Variants in CCDC171 observed in about 807,000 individuals in gnomAD.
The protein encoded by CCDC171 is coiled-coil domain containing 171.
CCDC171 carries 177 observed loss-of-function variants against 168.2 expected under a neutral mutation model. That is an observed-to-expected ratio of 1.05 (90% CI 0.93 to 1.19). The LOEUF (loss-of-function observed/expected upper bound fraction) is 1.19, where lower values mean the gene tolerates loss of function less well. Among genes scored for constraint, CCDC171 ranks in the 50% most tolerant of loss-of-function variants. The probability of loss-of-function intolerance (pLI) is 0.00; values close to 1 mark genes in which losing one functional copy is unlikely to be tolerated. For missense variants in CCDC171, 1,991 were observed against 1,539.0 expected (o/e 1.29, Z -4.91); for synonymous variants, 687 against 540.8 (o/e 1.27, Z -3.75).
chr9:15,564,452 G>C (rs2039562721), intron 2 of CCDC171, among the ~76,000 whole-genome samples: 4 of 152,100 alleles, frequency 2.6e-5, no homozygotes. Context: ...TTTCTGTTTT[G>C]TTTTCTTTAA....
intron 25 of CCDC171, among the ~76,000 whole-genome samples, chr9:15,960,546 A>G (rs777716984): frequency 3.9e-5 from 6 of 152,156 alleles, no homozygotes; most frequent in Non-Finnish European, 7.4e-5. Context: ...TGTGTTTGCT[A>G]TATTTTACTG....
chr9:15,930,331 C>G (rs1204639112), intron 25 of CCDC171, among the ~76,000 whole-genome samples: 7 of 151,018 alleles, frequency 4.6e-5, no homozygotes, highest in African/African-American at 1.7e-4. Context: ...TTTACATATT[C>G]TATATATGGT....
intron 1 of CCDC171, among the ~76,000 whole-genome samples, chr9:16,059,704 C>T (rs1205242611): frequency 8.0e-5 from 12 of 150,142 alleles, no homozygotes; most frequent in East Asian, 7.8e-4. Context: ...TTAGTAGAGA[C>T]GGGGTTTCAC....
chr9:15,925,926 A>G (rs1399202005), intron 25 of CCDC171, among the ~76,000 whole-genome samples: 1 of 131,026 alleles, frequency 7.6e-6, no homozygotes, highest in Non-Finnish European at 1.8e-5. Context: ...TTCTACCTGT[A>G]TTTAACAATA....
chr9:16,071,162 C>T, the CCDC171 span, among the ~76,000 whole-genome samples: 5 of 152,154 alleles, frequency 3.3e-5, no homozygotes, highest in East Asian at 1.9e-4. Context: ...GATGGAGTTC[C>T]GATGGCATTG....
intron 7 of CCDC171, among the ~76,000 whole-genome samples, chr9:15,634,625 G>A (rs1029677626): frequency 6.6e-6 from 1 of 151,996 alleles, no homozygotes; most frequent in Non-Finnish European, 1.5e-5. Flanking sequence ...TTCTTACAGC[G>A]ATGAGTAAAA....
At chr9:15,977,053 T>A (rs551122621), downstream of CCDC171, among the ~76,000 whole-genome samples, 3 of 152,292 alleles carry the variant, frequency 2.0e-5, no homozygotes, top group South Asian at 6.2e-4. Context: ...TCCTCCTGGT[T>A]AAGTGAGACA....
the CCDC171 span, among the ~76,000 whole-genome samples, chr9:16,095,600 T>C: frequency 6.6e-6 from 1 of 151,664 alleles, no homozygotes; most frequent in African/African-American, 2.4e-5. Context: ...AAACTGTGAG[T>C]TATTAGGATA....
intron 25 of CCDC171, among the ~76,000 whole-genome samples, chr9:15,957,412 A>G (rs1829907560): frequency 6.6e-6 from 1 of 152,162 alleles, no homozygotes; most frequent in Non-Finnish European, 1.5e-5. Context: ...AAGCTGAAAT[A>G]TGGTTCCGTC....
chr9:15,586,807 A>G (rs1287438969), intron 4 of CCDC171, among the ~76,000 whole-genome samples: 1 of 151,914 alleles, frequency 6.6e-6, no homozygotes, highest in African/African-American at 2.4e-5. Context: ...TAATTAATTA[A>G]TTATTATTAT....
At chr9:15,941,781 A>G (rs1367233844) in intron 25 of CCDC171, among the ~76,000 whole-genome samples, 1 of 151,986 alleles carries the variant, frequency 6.6e-6, no homozygotes, top group African/African-American at 2.4e-5. Flanking sequence ...ATAAAAGAAG[A>G]CAATTCATTT....
chr9:15,630,759 A>G (rs1235823723), intron 7 of CCDC171, among the ~76,000 whole-genome samples: 1 of 152,214 alleles, frequency 6.6e-6, no homozygotes, highest in Admixed American at 6.5e-5. Flanking sequence ...AAAATTGACC[A>G]CATAGTTGGA....
intron 21 of CCDC171, among the ~76,000 whole-genome samples, chr9:15,799,499 G>C (rs936677092): frequency 1.3e-5 from 2 of 151,334 alleles, no homozygotes; most frequent in Non-Finnish European, 3.0e-5. Context: ...AACTTAATAG[G>C]GTATGTGTAT....
chr9:16,039,145 T>C (rs2133052864), upstream of CCDC171, among the ~76,000 whole-genome samples: 1 of 152,298 alleles, frequency 6.6e-6, no homozygotes, highest in Admixed American at 6.5e-5. Context: ...GTTGTCCAAA[T>C]AGTGCTTCTG....
At chr9:15,904,063 A>T (rs919703701) in intron 24 of CCDC171, among the ~76,000 whole-genome samples, 1 of 152,198 alleles carries the variant, frequency 6.6e-6, no homozygotes, top group African/African-American at 2.4e-5. Flanking sequence ...GTGTACCTGA[A>T]AGTGACGGGC....
intron 14 of CCDC171, among the ~76,000 whole-genome samples, chr9:15,726,313 C>A (rs2053797005): frequency 6.6e-6 from 1 of 152,030 alleles, no homozygotes; most frequent in Non-Finnish European, 1.5e-5. Flanking sequence ...TCTTTTCATG[C>A]CAAATGGATG....
chr9:16,048,697 A>ATGGCTACTCC (rs139097051), intron 1 of CCDC171, among the ~76,000 whole-genome samples: 3,191 of 152,218 alleles, frequency 0.021, 110 homozygotes, highest in African/African-American at 0.071. Context: ...GAAATAAAGA[A>ATGGCTACTCC]ATAGGCAGAA....
intron 18 of CCDC171, among the ~76,000 whole-genome samples, chr9:15,746,080 T>C (rs1467770340): frequency 6.6e-6 from 1 of 152,234 alleles, no homozygotes; most frequent in Non-Finnish European, 1.5e-5. Flanking sequence ...TGGAATTAAT[T>C]TGGATAGTCT....
At chr9:16,001,175 C>G (rs1564112282) in intron 3 of CCDC171, among the ~76,000 whole-genome samples, 2 of 152,216 alleles carry the variant, frequency 1.3e-5, no homozygotes, top group African/African-American at 4.8e-5. Flanking sequence ...TAGGAACCAA[C>G]TGACAGGAGT....
Sources: allele counts gnomAD v4.1 joint callset (sites outside exome capture counted in the v4.1 genomes callset), GRCh38; gene constraint gnomAD v4.1.1; transcripts MANE v1.5; gene names NCBI Gene and HGNC (gene_info 2026-07-23, HGNC 2026-07-21).